The following PRELID2 variants were observed in gnomAD, a reference collection of about 807,000 sequenced individuals.
The protein encoded by PRELID2 is PRELI domain-containing protein 2.
PRELID2 carries 25 observed loss-of-function variants against 28.4 expected under a neutral mutation model. The ratio of observed to expected loss-of-function variants is 0.88; its 90% confidence interval spans 0.64 to 1.23. The LOEUF (loss-of-function observed/expected upper bound fraction) is 1.23. Ranked by LOEUF, PRELID2 falls within the 50% of genes most tolerant of loss-of-function variation. The pLI is 0.00. For missense variants in PRELID2, 201 were observed against 214.4 expected (o/e 0.94, Z 0.39); for synonymous variants, 76 against 71.6 (o/e 1.06, Z -0.31).
intron 1 of PRELID2, among the ~76,000 whole-genome samples, chr5:145,654,577 T>C (rs943739030): frequency 1.3e-5 from 2 of 152,252 alleles, no homozygotes; most frequent in Non-Finnish European, 2.9e-5. Context: ...AGCCCTGGGA[T>C]GCAAGACTGG....
At chr5:145,651,281 C>T (rs762405773) in intron 1 of PRELID2, among the ~76,000 whole-genome samples, 1 of 152,130 alleles carries the variant, frequency 6.6e-6, no homozygotes, top group South Asian at 2.1e-4. Flanking sequence ...GGGTGGAGCC[C>T]ACTGCAGGTC....
At chr5:145,452,795 A>G in the PRELID2 span, among the ~76,000 whole-genome samples, 1 of 152,142 alleles carries the variant, frequency 6.6e-6, no homozygotes, top group Admixed American at 6.6e-5. Flanking sequence ...AAGCAAAAAA[A>G]GAATGAAGGG....
chr5:145,350,842 G>A, the PRELID2 span, among the ~76,000 whole-genome samples: 68 of 152,226 alleles, frequency 4.5e-4, no homozygotes, highest in Non-Finnish European at 1.6e-4. Context: ...CAGGCTTCCA[G>A]GTCTAGCCTG....
chr5:145,530,403 G>T (rs574696336), intron 1 of PRELID2, among the ~76,000 whole-genome samples: 24 of 152,184 alleles, frequency 1.6e-4, no homozygotes, highest in Admixed American at 7.2e-4. Flanking sequence ...ATCAGAGGAG[G>T]AGTTCCACAG....
At chr5:145,613,892 C>A (rs1218960598) in intron 1 of PRELID2, among the ~76,000 whole-genome samples, 1 of 152,124 alleles carries the variant, frequency 6.6e-6, no homozygotes, top group African/African-American at 2.4e-5. Context: ...AAATCCTTGC[C>A]TAAGCCAATG....
chr5:145,343,595 T>C, the PRELID2 span, among the ~76,000 whole-genome samples: 1 of 151,484 alleles, frequency 6.6e-6, no homozygotes, highest in East Asian at 1.9e-4. Flanking sequence ...GTCTAAACAA[T>C]GTACTTCAAG....
At chr5:145,669,902 G>A (rs186527601) in intron 1 of PRELID2, among the ~76,000 whole-genome samples, 7 of 151,874 alleles carry the variant, frequency 4.6e-5, no homozygotes, top group South Asian at 2.1e-4. Context: ...ATATCAAATC[G>A]CCATCTTAGA....
the PRELID2 span, among the ~76,000 whole-genome samples, chr5:145,408,395 T>TTATA: frequency 0.013 from 1,667 of 129,212 alleles, 22 homozygotes; most frequent in African/African-American, 0.031. Flanking sequence ...TTAAAGAAAT[T>TTATA]TATATATATA....
intron 1 of PRELID2, among the ~76,000 whole-genome samples, chr5:145,829,496 T>C (rs775698788): frequency 5.9e-5 from 9 of 152,224 alleles, no homozygotes; most frequent in Non-Finnish European, 1.3e-4. Context: ...AAGCTAGGTA[T>C]ATTACATATA....
At chr5:145,746,277 C>T (rs1207008155) in intron 1 of PRELID2, among the ~76,000 whole-genome samples, 3 of 152,126 alleles carry the variant, frequency 2.0e-5, no homozygotes, top group African/African-American at 7.2e-5. Context: ...ACCAATCTCA[C>T]ATGCAAAGTC....
chr5:145,689,351 A>G (rs1755099405), intron 1 of PRELID2, among the ~76,000 whole-genome samples: 1 of 152,158 alleles, frequency 6.6e-6, no homozygotes, highest in African/African-American at 2.4e-5. Context: ...GAAGCAAGTG[A>G]CACTGCCAAG....
intron 1 of PRELID2, among the ~76,000 whole-genome samples, chr5:145,565,507 G>T (rs1354087198): frequency 6.6e-6 from 1 of 152,232 alleles, no homozygotes; most frequent in South Asian, 2.1e-4. Flanking sequence ...ATGGATTGCA[G>T]ACAATTGTAA....
the PRELID2 span, among the ~76,000 whole-genome samples, chr5:145,267,035 T>G: frequency 2.6e-5 from 4 of 151,834 alleles, no homozygotes; most frequent in South Asian, 8.3e-4. Flanking sequence ...AAAAAGGAGT[T>G]TATTAAGTAT....
intron 1 of PRELID2, among the ~76,000 whole-genome samples, chr5:145,716,028 C>T (rs2149713661): frequency 6.6e-6 from 1 of 152,250 alleles, no homozygotes; most frequent in East Asian, 1.9e-4. Flanking sequence ...TGTAAACTTT[C>T]TTAAAACATT....
chr5:145,769,736 A>G (rs1757988285), intron 5 of PRELID2, among the ~76,000 whole-genome samples: 1 of 152,216 alleles, frequency 6.6e-6, no homozygotes, highest in South Asian at 2.1e-4. Context: ...AGTAAACACC[A>G]TGAACTGATG....
intron 1 of PRELID2, among the ~76,000 whole-genome samples, chr5:145,648,854 C>A (rs1581026236): frequency 2.0e-5 from 3 of 150,638 alleles, no homozygotes; most frequent in East Asian, 1.9e-4. Context: ...ACATTTTAAA[C>A]CTTTCATCGT....
At chr5:145,469,253 G>T (rs536112242), downstream of PRELID2, among the ~76,000 whole-genome samples, 9 of 152,146 alleles carry the variant, frequency 5.9e-5, no homozygotes, top group African/African-American at 2.2e-4. Flanking sequence ...TCTAGATATA[G>T]TCAGCTAATC....
chr5:145,333,003 T>C, the PRELID2 span, among the ~76,000 whole-genome samples: 1 of 152,198 alleles, frequency 6.6e-6, no homozygotes, highest in Non-Finnish European at 1.5e-5. Flanking sequence ...TGTTTGTTAG[T>C]TTTCCTTCTA....
the PRELID2 span, among the ~76,000 whole-genome samples, chr5:145,235,648 A>G: frequency 6.6e-6 from 1 of 151,916 alleles, no homozygotes; most frequent in Non-Finnish European, 1.5e-5. Flanking sequence ...GCTTACAAAG[A>G]TTTTCTTATT....
Sources: gnomAD v4.1 joint callset for allele counts (sites outside exome capture counted in the v4.1 genomes callset) on GRCh38, gnomAD v4.1.1 for gene constraint, MANE v1.5 for transcripts, NCBI Gene and HGNC (gene_info 2026-07-23, HGNC 2026-07-21) for gene names.